The following KIAA1671 variants were observed in gnomAD, a reference collection of about 807,000 sequenced individuals.
The protein encoded by KIAA1671 is KIAA1671.
A neutral mutation model predicts 131.2 loss-of-function variants in KIAA1671; 52 were observed. The ratio of observed to expected loss-of-function variants is 0.40; its 90% confidence interval spans 0.32 to 0.50. The LOEUF (loss-of-function observed/expected upper bound fraction) is 0.50. KIAA1671 is among the 20% of genes least tolerant of loss of function. The pLI is 0.73. For missense variants in KIAA1671, 2,360 were observed against 2,364.2 expected (o/e 1.00, Z 0.04); for synonymous variants, 1,003 against 961.6 (o/e 1.04, Z -0.80).
intron 1 of KIAA1671, among the ~76,000 whole-genome samples, chr22:24,989,909 C>A (rs562120644): frequency 3.3e-5 from 5 of 152,176 alleles, no homozygotes; most frequent in African/African-American, 1.2e-4. Flanking sequence ...GCCCCAGAAA[C>A]CTTGTTGGGT....
intron 1 of KIAA1671, among the ~76,000 whole-genome samples, chr22:25,019,050 TTGTGTGTG>T (rs377368958): frequency 0.014 from 2,063 of 144,190 alleles, 19 homozygotes; most frequent in South Asian, 0.027. Flanking sequence ...AATAGTTGTT[TTGTGTGTG>T]TGTGTGTGTG....
chr22:25,181,355 G>A (rs779960301), intron 9 of KIAA1671, among the ~76,000 whole-genome samples: 1 of 152,180 alleles, frequency 6.6e-6, no homozygotes, highest in Non-Finnish European at 1.5e-5. Flanking sequence ...TGCATTGTTG[G>A]CTGAAAGCAT....
rs1934605608 is a variant in KIAA1671, at chr22:25,189,738, T to C, written c.5343-964T>C. 2.6e-5 allele frequency among the ~76,000 whole-genome samples: 4 copies of C among 151,788 alleles called. No individual in the cohort carries two copies. The South Asian group carries it at 8.3e-4, about 32-fold the overall frequency. On this transcript the variant is annotated intron_variant, in intron 11 of 12. Transcript: ENST00000358431. ...AATAGCTATTTGCATGACAAATGGA[T>C]GGATGGAAATAATTTTATATAGGAC...
At chr22:25,093,824 T>TTCTCTCTCTC (rs1568951523) in intron 6 of KIAA1671, among the ~76,000 whole-genome samples, 748 of 21,874 alleles carry the variant, frequency 0.034, 145 homozygotes, top group African/African-American at 0.074. Flanking sequence ...CTCTCTCTCT[T>TTCTCTCTCTC]TCTCTCTCTG....
At chr22:25,059,851 G>A (rs1163339334) in intron 6 of KIAA1671, 1 of 152,228 alleles carries the variant, frequency 6.6e-6, no homozygotes, top group Non-Finnish European at 1.5e-5. Flanking sequence ...GAAGGGTTCA[G>A]AGGGAAAATG....
intron 1 of KIAA1671, among the ~76,000 whole-genome samples, chr22:24,975,649 A>AT (rs1426097716): frequency 6.6e-6 from 1 of 152,050 alleles, no homozygotes; most frequent in Non-Finnish European, 1.5e-5. Flanking sequence ...TGAAATTGCC[A>AT]TTTTCGTAGG....
In KIAA1671 at chr22:25,109,442, C is replaced by T. The variant is rs73882007; in HGVS notation, c.4530+60078C>T. On this transcript the variant is annotated intron_variant, in intron 6 of 12. Transcript: ENST00000358431. ...TTCTTTACTCAGACGTGAGCCACCG[C>T]GCCCGGCCCATCACTTCTTTATTCT... 5.6e-3 allele frequency among the ~76,000 whole-genome samples: 846 copies of T among 152,144 alleles called. 5 individuals are homozygous for T. Among genetic ancestry groups the T allele is most frequent in the African/African-American group, 0.019 (783 of 41,496 alleles).
Position 25,028,422 on chromosome 22 carries a change from C to T in KIAA1671, c.423C>T (p.Ser141=), listed in dbSNP as rs1926077878. Residue 141 remains serine, a synonymous_variant, in exon 3 of 13, where the codon TCC becomes TCT. Coordinates refer to ENST00000358431, the MANE Select transcript of KIAA1671 (RefSeq NM_001145206.2). Reference sequence around the variant, plus strand: ...AGGCTGTGTTCCTGCGGCCCAGCTCCAGCACCATGATTCTCTTCGAAACCA... The same window carrying T: ...AGGCTGTGTTCCTGCGGCCCAGCTCTAGCACCATGATTCTCTTCGAAACCA... The part of the protein sequence containing the change: ...FNKAVFLRPS[S]STMILFETTK... 1 of 1,551,068 alleles carries T rather than the reference C, an allele frequency of 6.4e-7. No individual in the cohort carries two copies. Among genetic ancestry groups the T allele is most frequent in the Admixed American group, 2.0e-5 (1 of 50,990 alleles).
At chr22:24,956,048 G>GA (rs1215329956) in intron 1 of KIAA1671, among the ~76,000 whole-genome samples, 2 of 149,870 alleles carry the variant, frequency 1.3e-5, no homozygotes, top group Non-Finnish European at 3.0e-5. Context: ...AAAAAGAAAA[G>GA]AAAAAAGAAA....
At chr22:24,993,404 T>G (rs113191135) in intron 1 of KIAA1671, among the ~76,000 whole-genome samples, 11 of 152,320 alleles carry the variant, frequency 7.2e-5, no homozygotes, top group African/African-American at 2.2e-4. Flanking sequence ...AAGCAGAAAT[T>G]TCTGTTCCTT....
intron 1 of KIAA1671, among the ~76,000 whole-genome samples, chr22:25,020,178 G>A (rs1925585688): frequency 6.6e-6 from 1 of 152,174 alleles, no homozygotes; most frequent in African/African-American, 2.4e-5. Flanking sequence ...CCCCTCACTA[G>A]CAGTGGGAAC....
intron 1 of KIAA1671, among the ~76,000 whole-genome samples, chr22:24,999,255 A>G (rs969369763): frequency 4.1e-4 from 62 of 152,152 alleles, no homozygotes; most frequent in African/African-American, 1.4e-3. Flanking sequence ...GAGAGAGCAC[A>G]ATAGGGTCTT....
At chr22:25,090,435 A>C (rs901010538) in intron 6 of KIAA1671, among the ~76,000 whole-genome samples, 2 of 152,204 alleles carry the variant, frequency 1.3e-5, no homozygotes, top group Non-Finnish European at 2.9e-5. Flanking sequence ...CTGTTAGGTT[A>C]ATCTGTTTCC....
rs2145805071 is a variant in KIAA1671, at chr22:25,039,547, C to T, written c.2417C>T (p.Pro806Leu). The change falls in exon 5 of 13, where the codon CCT becomes CTT. Residue 806 changes from proline to leucine, a missense_variant. Around this residue, in one of 3 missense-constraint regions of KIAA1671, gnomAD observed 1,185 missense variants for 1,126.2 expected, o/e 1.05. Transcript: ENST00000358431. The stretch of plus-strand genomic sequence containing the variant: ...TTGATTTGGGAAGCTCGAGGCATGC[C>T]TGAGGCTAGTGGACCGAAGTTTGGG... ...ASLIWEARGM[P>L]EASGPKFGGN... 1.9e-6 allele frequency: 3 copies of T among 1,551,812 alleles called. No individual in the cohort carries two copies. The highest frequency in any genetic ancestry group is 3.9e-5 in the Admixed American group (2 of 51,016).
intron 1 of KIAA1671, among the ~76,000 whole-genome samples, chr22:24,975,455 G>A (rs1192062468): frequency 1.2e-4 from 18 of 151,866 alleles, no homozygotes; most frequent in Admixed American, 1.1e-3. Flanking sequence ...AGTAGCTGGG[G>A]TGCAGGTGTG....
At chr22:25,163,049 C>G (rs1383057302) in intron 6 of KIAA1671, among the ~76,000 whole-genome samples, 16 of 152,062 alleles carry the variant, frequency 1.1e-4, no homozygotes, top group Non-Finnish European at 1.5e-5. Flanking sequence ...TTTTTTTGGC[C>G]TGGCATGGTG....
In KIAA1671 at chr22:25,017,075, T is replaced by C. The variant is rs5752042; in HGVS notation, c.-207-8558T>C. ...GGGTGGTAACTTCTGGGTTGTCAGG[T>C]TGTTGCCCTAGAAAGGGGTGGTAAT... On this transcript the variant is annotated intron_variant, in intron 1 of 12. Coordinates refer to ENST00000358431, the MANE Select transcript of KIAA1671 (RefSeq NM_001145206.2). Among the ~76,000 whole-genome samples the C allele has an allele frequency of 1.2e-3, 189 of 152,102 alleles. 4 individuals carry two copies. In the East Asian group the frequency reaches 0.032, roughly 25 times the overall value.
chr22:25,094,958 A>G (rs184209340), intron 6 of KIAA1671, among the ~76,000 whole-genome samples: 166 of 152,046 alleles, frequency 1.1e-3, no homozygotes, highest in African/African-American at 3.5e-3. Context: ...TGTTTTAAGG[A>G]GTGGGGATAC....
chr22:24,967,648 C>A (rs982286455), intron 1 of KIAA1671, among the ~76,000 whole-genome samples: 50 of 152,266 alleles, frequency 3.3e-4, no homozygotes, highest in African/African-American at 9.6e-4. Flanking sequence ...CCAGCCTCGG[C>A]CCCATTGTCC....
Sources: allele counts gnomAD v4.1 joint callset (sites outside exome capture counted in the v4.1 genomes callset), GRCh38; gene constraint gnomAD v4.1.1; regional missense constraint gnomAD v4.1.1; transcripts MANE v1.5; gene names NCBI Gene and HGNC (gene_info 2026-07-23, HGNC 2026-07-21).